The following CELSR3 variants were observed in gnomAD, a reference collection of about 807,000 sequenced individuals.
The protein encoded by CELSR3 is cadherin EGF LAG seven-pass G-type receptor 3.
A neutral mutation model predicts 270.0 loss-of-function variants in CELSR3; 73 were observed. That is an observed-to-expected ratio of 0.27 (90% CI 0.22 to 0.33). The LOEUF is 0.33. CELSR3 is among the 10% of genes least tolerant of loss of function. CELSR3 has a pLI of 1.00. For missense variants in CELSR3, 3,614 were observed against 4,533.8 expected, an observed-to-expected ratio of 0.80 and a Z score of 5.83; for synonymous variants, 1,780 against 1,905.4, an observed-to-expected ratio of 0.93 and a Z score of 1.71.
Position 48,646,108 on chromosome 3 carries a change from T to G in CELSR3, c.7445A>C (p.Gln2482Pro). The change falls in exon 22 of 35, where the codon CAG becomes CCG. Residue 2482 changes from glutamine to proline, a missense_variant. By Grantham distance (76) the Gln-to-Pro change is moderately conservative. This residue lies in a region of CELSR3 where 1,240 missense variants were observed against 1,351.7 expected (regional missense o/e 0.92). Transcript: ENST00000164024. This position sits in a 1 kb window ranked among gnomAD's most constrained non-coding sequence, Gnocchi z 4.8. Reference protein sequence around the residue: ...TANRSKAICVQWDPPGLAEQH... With the variant: ...TANRSKAICVPWDPPGLAEQH... ...TCCTCACAGGCCAGGTGGGTCCCACTGCACACAGATCGCCTTGCTCCGATT... is the reference window on the plus strand; with the variant it reads ...TCCTCACAGGCCAGGTGGGTCCCACGGCACACAGATCGCCTTGCTCCGATT... 1 of 1,612,874 alleles carries G rather than the reference T, an allele frequency of 6.2e-7. No individual in the cohort carries two copies. The highest frequency in any genetic ancestry group is 8.5e-7 in the Non-Finnish European group (1 of 1,179,878).
chr3:48,640,530 G>C lies in CELSR3; in HGVS notation c.9055C>G (p.Leu3019Val), dbSNP rs765620335. 2.5e-6 allele frequency: 4 copies of C among 1,598,716 alleles called. No homozygotes were observed. In the East Asian group the frequency reaches 6.7e-5, roughly 27 times the overall value. The change falls in exon 34 of 35, where the codon CTG becomes GTG. Residue 3019 changes from leucine to valine, a missense_variant. By Grantham distance (32) the Leu-to-Val change is conservative. Coordinates refer to ENST00000164024, the MANE Select transcript of CELSR3 (RefSeq NM_001407.3). The surrounding 1 kb of genome is among the most constrained non-coding windows in gnomAD (Gnocchi z 7.5). ...GILKNRLQYP[L>V]VPQTRGAPEL... ...GGGGCACCTCGGGTCTGTGGCACCA[G>C]TGGGTATTGCAACCGGTTCTTCAGG...
chr3:48,644,155 AC>A lies in CELSR3; in HGVS notation c.8165+60del. 1 of 1,502,580 alleles carries A rather than the reference AC, an allele frequency of 6.7e-7. No individual in the cohort carries two copies. The highest frequency in any genetic ancestry group is 9.2e-7 in the Non-Finnish European group (1 of 1,088,020). The allele number at this position is 1,502,580 out of a possible 1,614,324, so 93.1% of individuals were successfully genotyped here. A position where few individuals can be genotyped will look rare whatever the true frequency, so the allele number is the denominator to read the frequency against. On this transcript the variant is annotated intron_variant, in intron 27 of 34. Coordinates refer to ENST00000164024, the MANE Select transcript of CELSR3 (RefSeq NM_001407.3). The surrounding 1 kb of genome is among the most constrained non-coding windows in gnomAD (Gnocchi z 4.8). ...ACCAGGGAAGATCTGGGGGCCCCAGACCCCACCCAGGAGGGACCTGCCATCC... is the reference window on the plus strand; with the variant it reads ...ACCAGGGAAGATCTGGGGGCCCCAGACCCACCCAGGAGGGACCTGCCATCC...
Position 48,659,591 on chromosome 3 carries a change from G to A in CELSR3, c.3044C>T (p.Thr1015Ile). Reference sequence around the variant, plus strand: ...CCTTACTGTACGGACAATTCCAGAGGTGGGCTCAATGGTAAAATCTCCATC... The same window carrying A: ...CCTTACTGTACGGACAATTCCAGAGATGGGCTCAATGGTAAAATCTCCATC... Reference protein sequence around the residue: ...DGDGDFTIEPTSGIVRTVRRL... With the variant: ...DGDGDFTIEPISGIVRTVRRL... The change falls in exon 1 of 35, where the codon ACC (threonine) becomes ATC (isoleucine). Residue 1015 changes from threonine (T) to isoleucine (I), a missense_variant. Thr to Ile is a moderately conservative substitution (Grantham distance 89). Around this residue, in one of 7 missense-constraint regions of CELSR3, gnomAD observed 1,331 missense variants for 1,933.7 expected, o/e 0.69. Transcript: ENST00000164024. The surrounding 1 kb of genome is among the most constrained non-coding windows in gnomAD (Gnocchi z 8.1). The A allele has an allele frequency of 6.2e-7, 1 of 1,614,152 alleles. No homozygotes were observed. The highest frequency in any genetic ancestry group is 8.5e-7 in the Non-Finnish European group (1 of 1,180,030).
In CELSR3 at chr3:48,654,910, G is replaced by A; in HGVS notation, c.4988+134C>T. ...GTGAGTAGGCTTTCAGGGTCTTTGA[G>A]AGGAGAGGGGAATCTTGGTGGTTTG... On this transcript the variant is annotated intron_variant, in intron 6 of 34. Transcript: ENST00000164024. The surrounding 1 kb of genome is among the most constrained non-coding windows in gnomAD (Gnocchi z 5.4). 2 of 906,402 alleles carry A rather than the reference G, an allele frequency of 2.2e-6. No individual in the cohort carries two copies. The highest frequency in any genetic ancestry group is 3.1e-5 in the South Asian group (2 of 64,452). 56.1% of individuals were successfully genotyped at this position (906,402 alleles called of 1,614,324 possible).
chr3:48,656,048 T>A, intron 3 of CELSR3, 92 bp downstream of exon 3: 1 of 1,115,280 alleles, frequency 9.0e-7, no homozygotes. Flanking sequence ...CGGTGTCTCA[T>A]GGGGATGCCA....
chr3:48,642,709 C>T lies in CELSR3; in HGVS notation c.8555+27G>A. The T allele has an allele frequency of 6.2e-7, 1 of 1,600,828 alleles. No individual in the cohort carries two copies. Among genetic ancestry groups the T allele is most frequent in the Non-Finnish European group, 8.5e-7 (1 of 1,176,546 alleles). Reference sequence around the variant, plus strand: ...GTGGGGCTGGACTAAGCTGAGTGTTCCCTCACAAGGAGGCTCTTCCTCTCA... The same window carrying T: ...GTGGGGCTGGACTAAGCTGAGTGTTTCCTCACAAGGAGGCTCTTCCTCTCA... On this transcript the variant is annotated intron_variant, in intron 30 of 34. Transcript: ENST00000164024. The surrounding 1 kb of genome is among the most constrained non-coding windows in gnomAD (Gnocchi z 6.1).
In CELSR3 at chr3:48,642,297, G is replaced by A. The variant is rs1292909953; in HGVS notation, c.8665+61C>T. 1 of 1,548,314 alleles carries A rather than the reference G, an allele frequency of 6.5e-7. No homozygotes were observed. The highest frequency in any genetic ancestry group is 2.3e-5 in the East Asian group (1 of 44,350). The stretch of plus-strand genomic sequence containing the variant: ...CCACTGCTCCCAGTATGGGGTAGAA[G>A]AAAAGGGGATGGGGAGAGATCCTCT... On this transcript the variant is annotated intron_variant, in intron 31 of 34. Transcript: ENST00000164024. This position sits in a 1 kb window ranked among gnomAD's most constrained non-coding sequence, Gnocchi z 6.1.
chr3:48,661,375 G>C lies in CELSR3; in HGVS notation c.1260C>G (p.Ala420=), dbSNP rs1426278126. The C allele has an allele frequency of 6.2e-7, 1 of 1,612,634 alleles. No homozygotes were observed. ...SPRLSATTMV[A]VTVADRNDHS... is the part of the protein sequence containing the mutation. ...GGTCGTTGCGGTCGGCTACTGTCAC[G>C]GCCACCATCGTGGTGGCCGAGAGGC... is the stretch of plus-strand genomic sequence containing the variant. Residue 420 remains alanine (A), a synonymous_variant, in exon 1 of 35, where the codon GCC becomes GCG. Coordinates refer to ENST00000164024, the MANE Select transcript of CELSR3 (RefSeq NM_001407.3).
At position 48,637,007 on chromosome 3, in the gene CELSR3, TTATC is replaced by T. The variant is rs1212495521; in HGVS notation, c.*1194_*1197del. 1 of 152,410 alleles carries T rather than the reference TTATC, an allele frequency of 6.6e-6. No homozygotes were observed. Among genetic ancestry groups the T allele is most frequent in the African/African-American group, 2.4e-5 (1 of 41,414 alleles). The allele number at this position is 152,410 out of a possible 1,614,324, so 9.4% of individuals were successfully genotyped here. On this transcript the variant is annotated 3_prime_UTR_variant, in exon 35 of 35. Transcript: ENST00000164024. ...TCACTTGGAAACAAAGGAAAAAAAA[TTATC>T]TACTGTAAACAAAGTGTAAAACTCA... is the stretch of plus-strand genomic sequence containing the variant.
Position 48,660,156 on chromosome 3 carries a change from A to G in CELSR3, c.2479T>C (p.Phe827Leu). 1 of 1,614,180 alleles carries G rather than the reference A, an allele frequency of 6.2e-7. No individual in the cohort carries two copies. Reference sequence around the variant, plus strand: ...TCAGATGCAGTTAGTACCAGCTTGAAGTAGCGTTCCTGCTTGTAGTCCAGT... The same window carrying G: ...TCAGATGCAGTTAGTACCAGCTTGAGGTAGCGTTCCTGCTTGTAGTCCAGT... ...LPLDYKQERY[F>L]KLVLTASDRA... The change falls in exon 1 of 35, where the codon TTC (phenylalanine) becomes CTC (leucine). Residue 827 changes from phenylalanine to leucine, a missense_variant. By Grantham distance (22) the Phe-to-Leu change is conservative. Transcript: ENST00000164024. This position sits in a 1 kb window ranked among gnomAD's most constrained non-coding sequence, Gnocchi z 5.5.
In CELSR3 at chr3:48,642,803, A is replaced by T; in HGVS notation, c.8488T>A (p.Ser2830Thr). The change falls in exon 30 of 35, where the codon TCT becomes ACT. Residue 2830 changes from serine to threonine, a missense_variant. Coordinates refer to ENST00000164024, the MANE Select transcript of CELSR3 (RefSeq NM_001407.3). This position sits in a 1 kb window ranked among gnomAD's most constrained non-coding sequence, Gnocchi z 6.1. ...RITLGASTVS[S>T]VSSARSGRTQ... The stretch of plus-strand genomic sequence containing the variant: ...CGGCCGGAGCGGGCACTGCTCACAG[A>T]GGAGACGGTGGAGGCGCCCAGAGTG... 6.2e-7 allele frequency: 1 copy of T among 1,613,060 alleles called. No homozygotes were observed. The highest frequency in any genetic ancestry group is 8.5e-7 in the Non-Finnish European group (1 of 1,179,970).
intron 28 of CELSR3, 186 bp from the exon 29 acceptor site, chr3:48,643,269 G>C: frequency 1.6e-6 from 1 of 625,570 alleles, no homozygotes; most frequent in Non-Finnish European, 2.8e-6. Context: ...AGGAGTGGCT[G>C]GAGTCTGTAA....
rs771204629 is a variant in CELSR3, at chr3:48,642,482, G to GC, written c.8556-16dup. 3.7e-5 allele frequency: 59 copies of GC among 1,608,980 alleles called. No individual in the cohort carries two copies. The highest frequency in any genetic ancestry group is 4.1e-5 in the Non-Finnish European group (48 of 1,177,872). Reference sequence around the variant, plus strand: ...GGACATTGTCCCTGGAAAAGCAGGAGCCCCCCCACCATGAAAGAGGGATGT... The same window carrying GC: ...GGACATTGTCCCTGGAAAAGCAGGAGCCCCCCCCACCATGAAAGAGGGATGT... On this transcript the variant is annotated splice_polypyrimidine_tract_variant and intron_variant, in intron 30 of 34. Transcript: ENST00000164024. The surrounding 1 kb of genome is among the most constrained non-coding windows in gnomAD (Gnocchi z 6.1).
chr3:48,651,344 A>G lies in CELSR3; in HGVS notation c.6186+15T>C, dbSNP rs899354749. The G allele has an allele frequency of 2.7e-5, 43 of 1,613,728 alleles. No homozygotes were observed. Among genetic ancestry groups the G allele is most frequent in the Non-Finnish European group, 3.4e-5 (40 of 1,179,836 alleles). ...GCGTCCAAGGAAGGGTTAAAAGGTC[A>G]GGGGCCAGGCGCACCTTGCAGTGAC... On this transcript the variant is annotated intron_variant, in intron 14 of 34. Transcript: ENST00000164024. This position sits in a 1 kb window ranked among gnomAD's most constrained non-coding sequence, Gnocchi z 7.4.
rs757180531 is a variant in CELSR3 at position 48,648,391 on chromosome 3, C to T, written c.6848G>A (p.Arg2283Gln). ...GCTGCCTGGGGAGCCCCCAGGGGCC[C>T]GCTGCCCCAGCGCCGCCCACAAGTC... Reference protein sequence around the residue: ...TGDLWAALGQRAPGGSPGSAG... With the variant: ...TGDLWAALGQQAPGGSPGSAG... The change falls in exon 19 of 35, where the codon CGG (arginine) becomes CAG (glutamine). Residue 2283 changes from arginine to glutamine, a missense_variant. This residue lies in a region of CELSR3 where 1,331 missense variants were observed against 1,933.7 expected (regional missense o/e 0.69). Coordinates refer to ENST00000164024, the MANE Select transcript of CELSR3 (RefSeq NM_001407.3). 33 of 1,610,420 alleles carry T rather than the reference C, an allele frequency of 2.0e-5. No homozygotes were observed. In the African/African-American group the frequency reaches 2.7e-4, roughly 13 times the overall value.
At position 48,653,972 on chromosome 3, in the gene CELSR3, T is replaced by A. The variant is rs1228090132; in HGVS notation, c.5184A>T (p.Ser1728=). Residue 1728 remains serine (S), a synonymous_variant, in exon 8 of 35, where the codon TCA becomes TCT. Transcript: ENST00000164024. The surrounding 1 kb of genome is among the most constrained non-coding windows in gnomAD (Gnocchi z 6.5). ...AGAAGCCACTGTTCTTGCAGGGGCC[T>A]GAGTCACAAAAGTGTAGCTTGGCTT... ...GCQAKLHFCD[S]GPCKNSGFCS... 3 of 1,613,358 alleles carry A rather than the reference T, an allele frequency of 1.9e-6. No individual in the cohort carries two copies.
rs1282533997 is a variant in CELSR3 at position 48,636,613 on chromosome 3, C to G, written c.*1592G>C. On this transcript the variant is annotated 3_prime_UTR_variant, in exon 35 of 35. Coordinates refer to ENST00000164024, the MANE Select transcript of CELSR3 (RefSeq NM_001407.3). ...ACATAGTAAAGACACCCTCCCACCC[C>G]CAGCAGGCCACTCAGCCCTTCAAGA... 6.6e-6 allele frequency: 1 copy of G among 152,168 alleles called. No individual in the cohort carries two copies. The highest frequency in any genetic ancestry group is 6.5e-5 in the Admixed American group (1 of 15,278). The allele number at this position is 152,168 out of a possible 1,614,324, so 9.4% of individuals were successfully genotyped here. A position where few individuals can be genotyped will look rare whatever the true frequency, so the allele number is the denominator to read the frequency against.
chr3:48,658,784 TG>T lies in CELSR3; in HGVS notation c.3748+102del, dbSNP rs1211905287. 1.8e-5 allele frequency: 26 copies of T among 1,432,434 alleles called. No individual in the cohort carries two copies. Among genetic ancestry groups the T allele is most frequent in the Middle Eastern group, 1.9e-4 (1 of 5,132 alleles). The allele number at this position is 1,432,434 out of a possible 1,614,324, so 88.7% of individuals were successfully genotyped here. A position where few individuals can be genotyped will look rare whatever the true frequency, so the allele number is the denominator to read the frequency against. ...AGGAACCCTACCCTTAAGGGGTTCT[TG>T]GAAGGCTTAGAAATCCCTCTTTGGT... On this transcript the variant is annotated intron_variant, in intron 1 of 34. Coordinates refer to ENST00000164024, the MANE Select transcript of CELSR3 (RefSeq NM_001407.3). The surrounding 1 kb of genome is among the most constrained non-coding windows in gnomAD (Gnocchi z 4.7).
Position 48,660,808 on chromosome 3 carries a change from G to A in CELSR3, c.1827C>T (p.Asp609=), listed in dbSNP as rs1575546415. Residue 609 remains aspartate (D), a synonymous_variant, in exon 1 of 35, where the codon GAC becomes GAT. Transcript: ENST00000164024. The surrounding 1 kb of genome is among the most constrained non-coding windows in gnomAD (Gnocchi z 5.5). ...TGEIQVVAPL[D]FEAEREYALR... ...AGGCATACTCTCTCTCTGCCTCGAA[G>A]TCCAGAGGTGCCACCACCTGGATCT... 6.2e-7 allele frequency: 1 copy of A among 1,614,104 alleles called. No individual in the cohort carries two copies. The highest frequency in any genetic ancestry group is 2.2e-5 in the East Asian group (1 of 44,884).
Sources: gnomAD v4.1 joint callset for allele counts on GRCh38, gnomAD v4.1.1 for gene constraint, gnomAD v4.1.1 regional missense constraint, Gnocchi (gnomAD v3.1) non-coding constraint, MANE v1.5 for transcripts, NCBI Gene and HGNC (gene_info 2026-07-23, HGNC 2026-07-21) for gene names.